Variants in CNTN4 observed in about 807,000 individuals in gnomAD.
CNTN4 encodes the protein contactin-4.
A neutral mutation model predicts 122.5 loss-of-function variants in CNTN4; 77 were observed. The observed-to-expected ratio is 0.63, with a 90% CI of 0.52 to 0.76. The LOEUF is 0.76. Ranked by LOEUF, CNTN4 falls within the 30% of genes least tolerant of loss-of-function variation. The pLI, the probability that CNTN4 is intolerant of heterozygous loss-of-function variation, is 0.00. For synonymous variants in CNTN4, 512 were observed against 447.0 expected (o/e 1.15, Z -1.83); for missense variants, 1,256 against 1,259.1 (o/e 1.00, Z 0.04).
intron 4 of CNTN4, among the ~76,000 whole-genome samples, chr3:2,724,048 T>A (rs2088039841): frequency 1.3e-5 from 2 of 152,182 alleles, no homozygotes; most frequent in Admixed American, 1.3e-4. Context: ...GTTATTATTG[T>A]CATTATTTTA....
intron 23 of CNTN4, among the ~76,000 whole-genome samples, chr3:3,050,699 G>A (rs192983180): frequency 6.8e-6 from 1 of 147,150 alleles, no homozygotes; most frequent in Non-Finnish European, 1.5e-5. Flanking sequence ...GGAGGCGGAG[G>A]TTGTAGTGAG....
intron 7 of CNTN4, among the ~76,000 whole-genome samples, chr3:2,848,781 A>C: frequency 6.6e-6 from 1 of 152,214 alleles, no homozygotes; most frequent in East Asian, 1.9e-4. Flanking sequence ...TTATATGCTA[A>C]CTTGAGTCAT....
intron 4 of CNTN4, among the ~76,000 whole-genome samples, chr3:2,584,196 G>A (rs2080074263): frequency 6.6e-6 from 1 of 152,228 alleles, no homozygotes; most frequent in Admixed American, 6.5e-5. Flanking sequence ...GAGCTCCAAT[G>A]CAAGTAAAAC....
In CNTN4 at chr3:2,385,565, G is replaced by C. The variant is rs1275057543; in HGVS notation, c.-89+46332G>C. Among the ~76,000 whole-genome samples, 1 of 152,024 alleles carries C rather than the reference G, an allele frequency of 6.6e-6. No individual in the cohort carries two copies. The highest frequency in any genetic ancestry group is 1.5e-5 in the Non-Finnish European group (1 of 68,014). On this transcript the variant is annotated intron_variant, in intron 3 of 24. Coordinates refer to ENST00000418658, the MANE Select transcript of CNTN4 (RefSeq NM_175607.3). The surrounding 1 kb of genome is among the most constrained non-coding windows in gnomAD (Gnocchi z 4.0). ...GAAGTCCAAAATCAGGTGTTGGTAG[G>C]GCTGTGCTCCGTCTGTAACCTCTAG...
At chr3:2,879,361 T>C (rs958132228) in intron 8 of CNTN4, among the ~76,000 whole-genome samples, 3 of 152,246 alleles carry the variant, frequency 2.0e-5, no homozygotes, top group African/African-American at 7.2e-5. Context: ...TTATGACTTC[T>C]ATCCTCTAGA....
Position 3,053,839 on chromosome 3 carries a change from A to G in CNTN4, c.2844A>G (p.Thr948=). 1 of 1,614,222 alleles carries G rather than the reference A, an allele frequency of 6.2e-7. No homozygotes were observed. The highest frequency in any genetic ancestry group is 8.5e-7 in the Non-Finnish European group (1 of 1,180,026). Residue 948 remains threonine, a synonymous_variant, in exon 24 of 25, where the codon ACA becomes ACG. Coordinates refer to ENST00000418658, the MANE Select transcript of CNTN4 (RefSeq NM_175607.3). ...ACAGATGGAACAGACAAAGCAGCAC[A>G]TCTGTCATTGAAACAAATAAAACAT... ...VLYRWNRQSS[T]SVIETNKTSV... is the part of the protein sequence containing the mutation.
chr3:2,554,501 T>C (rs1223541051), intron 3 of CNTN4, among the ~76,000 whole-genome samples: 1 of 152,100 alleles, frequency 6.6e-6, no homozygotes, highest in East Asian at 1.9e-4. Flanking sequence ...CTGATTTTGT[T>C]ATACCCAGAG....
chr3:3,013,847 C>G (rs1697471420), intron 14 of CNTN4, among the ~76,000 whole-genome samples: 1 of 152,146 alleles, frequency 6.6e-6, no homozygotes, highest in Non-Finnish European at 1.5e-5. Flanking sequence ...CACTCTTGCA[C>G]TGCAGCCCAG....
intron 2 of CNTN4, among the ~76,000 whole-genome samples, chr3:2,245,067 TA>T (rs1410779360): frequency 2.0e-5 from 3 of 152,054 alleles, no homozygotes; most frequent in Non-Finnish European, 4.4e-5. Flanking sequence ...ATGGATGGTT[TA>T]ATGTTAAATA....
chr3:2,598,955 A>C (rs2080900433), intron 4 of CNTN4, among the ~76,000 whole-genome samples: 1 of 152,236 alleles, frequency 6.6e-6, no homozygotes, highest in South Asian at 2.1e-4. Context: ...TTTTTTAAAA[A>C]TAATTTCTGA....
chr3:2,867,210 G>A lies in CNTN4; in HGVS notation c.652+261G>A, dbSNP rs116138712. Among the ~76,000 whole-genome samples the A allele has an allele frequency of 1.4e-3, 207 of 152,248 alleles. 1 individual carries two copies. Among genetic ancestry groups the A allele is most frequent in the African/African-American group, 4.7e-3 (196 of 41,560 alleles). ...GATTTAGGTGAATATAAATAACAAAGGAAGGTATTTCTTGTTTCTCTCCCA... is the reference window on the plus strand; with the variant it reads ...GATTTAGGTGAATATAAATAACAAAAGAAGGTATTTCTTGTTTCTCTCCCA... On this transcript the variant is annotated intron_variant, in intron 8 of 24. Coordinates refer to ENST00000418658, the MANE Select transcript of CNTN4 (RefSeq NM_175607.3).
At chr3:2,947,448 GAGA>G (rs2094690943) in intron 13 of CNTN4, among the ~76,000 whole-genome samples, 1 of 152,162 alleles carries the variant, frequency 6.6e-6, no homozygotes, top group Non-Finnish European at 1.5e-5. Flanking sequence ...CATTCAGAAG[GAGA>G]AGAAGGTTTT....
At chr3:2,222,182 A>G (rs1241497913) in intron 2 of CNTN4, among the ~76,000 whole-genome samples, 1 of 152,200 alleles carries the variant, frequency 6.6e-6, no homozygotes, top group East Asian at 1.9e-4. Flanking sequence ...AGTACACGAA[A>G]TGTGTTTATA....
At chr3:2,966,963 C>T (rs1313438752) in intron 13 of CNTN4, among the ~76,000 whole-genome samples, 2 of 152,198 alleles carry the variant, frequency 1.3e-5, no homozygotes, top group East Asian at 3.8e-4. Flanking sequence ...AATGGGTTCA[C>T]CCTGCCTGCT....
chr3:2,282,079 C>A (rs1271636322), intron 2 of CNTN4, among the ~76,000 whole-genome samples: 1 of 152,080 alleles, frequency 6.6e-6, no homozygotes, highest in Non-Finnish European at 1.5e-5. Flanking sequence ...CAGTTTATTA[C>A]TATGTGGAAG....
chr3:2,677,871 A>G (rs929126738), intron 4 of CNTN4, among the ~76,000 whole-genome samples: 1 of 152,220 alleles, frequency 6.6e-6, no homozygotes, highest in Non-Finnish European at 1.5e-5. Context: ...ACAATTTGCA[A>G]TAAACACAAG....
chr3:2,919,353 GAAAAAAA>G (rs200119254), intron 12 of CNTN4, among the ~76,000 whole-genome samples: 66,958 of 108,092 alleles, frequency 0.62, 16,949 homozygotes, highest in East Asian at 0.72. Context: ...CTCTGTCTCA[GAAAAAAA>G]AAAAAAAAAA....
chr3:2,187,194 G>T (rs190425088), intron 2 of CNTN4, among the ~76,000 whole-genome samples: 64 of 152,164 alleles, frequency 4.2e-4, no homozygotes, highest in African/African-American at 1.5e-3. Flanking sequence ...AATCCTTTCC[G>T]CATTTCTTGT....
chr3:2,644,790 A>C (rs990641029), intron 4 of CNTN4, among the ~76,000 whole-genome samples: 1 of 145,632 alleles, frequency 6.9e-6, no homozygotes, highest in Admixed American at 7.3e-5. Flanking sequence ...TATCTGTTTG[A>C]AGTGTATGTT....
Sources: allele counts gnomAD v4.1 joint callset (sites outside exome capture counted in the v4.1 genomes callset), GRCh38; gene constraint gnomAD v4.1.1; non-coding constraint Gnocchi (gnomAD v3.1); transcripts MANE v1.5; gene names NCBI Gene and HGNC (gene_info 2026-07-23, HGNC 2026-07-21).